PPP1R12B: variants seen among roughly 807,000 people sequenced by gnomAD.
PPP1R12B encodes myosin phosphatase target subunit 2.
In PPP1R12B, 76 loss-of-function variants were observed where a neutral mutation model predicts 126.1. That is an observed-to-expected ratio of 0.60 (90% CI 0.50 to 0.73). The LOEUF (loss-of-function observed/expected upper bound fraction) is 0.73. Among genes scored for constraint, PPP1R12B ranks in the 30% least tolerant of loss-of-function variants. The pLI, the probability that PPP1R12B is intolerant of heterozygous loss-of-function variation, is 0.00. For missense variants in PPP1R12B, 1,052 were observed against 1,205.1 expected (o/e 0.87, Z 1.88); for synonymous variants, 356 against 434.7 (o/e 0.82, Z 2.25).
intron 2 of PPP1R12B, chr1:202,417,244 G>A: frequency 1.0e-6 from 1 of 985,340 alleles, no homozygotes; most frequent in Non-Finnish European, 1.2e-6. Flanking sequence ...GGCAGGCCTG[G>A]AGATGTTTTT....
At chr1:202,510,496 T>C (rs899552159) in intron 18 of PPP1R12B, among the ~76,000 whole-genome samples, 15 of 152,178 alleles carry the variant, frequency 9.9e-5, no homozygotes, top group Non-Finnish European at 1.9e-4. Flanking sequence ...TAGGGATTGC[T>C]AACATCCCAG....
Position 202,562,878 on chromosome 1 carries a change from C to G in PPP1R12B, c.2608C>G (p.Leu870Val), listed in dbSNP as rs1687673599. ...REAREARLAT[L>V]TSRVEEDSNR... Reference sequence around the variant, plus strand: ...GGCCCGGGAGGCCCGCCTAGCCACCCTGACCAGCCGTGTAGAAGAAGACAG... The same window carrying G: ...GGCCCGGGAGGCCCGCCTAGCCACCGTGACCAGCCGTGTAGAAGAAGACAG... The change falls in exon 20 of 24, where the codon CTG becomes GTG. Residue 870 changes from leucine (L) to valine (V), a missense_variant. Coordinates refer to ENST00000608999, the MANE Select transcript of PPP1R12B (RefSeq NM_002481.4). 1.7e-5 allele frequency: 27 copies of G among 1,610,026 alleles called. No homozygotes were observed. Among genetic ancestry groups the G allele is most frequent in the Non-Finnish European group, 2.3e-5 (27 of 1,178,858 alleles).
intron 1 of PPP1R12B, among the ~76,000 whole-genome samples, chr1:202,384,984 T>G (rs1662902058): frequency 2.6e-5 from 4 of 152,250 alleles, no homozygotes; most frequent in Admixed American, 1.3e-4. Flanking sequence ...AGATTAAAAC[T>G]GATAATAATT....
At chr1:202,540,934 CTT>C (rs542309239) in intron 18 of PPP1R12B, among the ~76,000 whole-genome samples, 358 of 152,282 alleles carry the variant, frequency 2.4e-3, no homozygotes, top group Non-Finnish European at 4.0e-3. Context: ...CCATTTGAGA[CTT>C]TTCTCCATTT....
At chr1:202,380,568 G>A (rs1243554283) in intron 1 of PPP1R12B, among the ~76,000 whole-genome samples, 1 of 152,112 alleles carries the variant, frequency 6.6e-6, no homozygotes, top group East Asian at 1.9e-4. Context: ...CTTCCCCTGA[G>A]AGTAGAGCCC....
At chr1:202,458,785 A>G (rs1673954710) in intron 13 of PPP1R12B, among the ~76,000 whole-genome samples, 1 of 152,224 alleles carries the variant, frequency 6.6e-6, no homozygotes. Flanking sequence ...TCATTGTGGA[A>G]GCATTTTGAC....
At chr1:202,381,404 G>GCGTA (rs1662248251) in intron 1 of PPP1R12B, among the ~76,000 whole-genome samples, 1 of 144,330 alleles carries the variant, frequency 6.9e-6, no homozygotes, top group East Asian at 2.0e-4. Context: ...TGGGGTGTGT[G>GCGTA]TGTGTGTGTG....
At chr1:202,575,565 C>T (rs908646207) in intron 23 of PPP1R12B, 1 of 154,208 alleles carries the variant, frequency 6.5e-6, no homozygotes, top group African/African-American at 2.4e-5. Flanking sequence ...CAAGTCCAAC[C>T]CACTCCCCTG....
chr1:202,539,552 C>A (rs1431861511), intron 18 of PPP1R12B, among the ~76,000 whole-genome samples: 8 of 152,166 alleles, frequency 5.3e-5, no homozygotes, highest in Non-Finnish European at 1.2e-4. Context: ...CCTTATTTAT[C>A]ATTTTTCGTT....
chr1:202,426,652 A>T (rs1558210211), intron 4 of PPP1R12B, among the ~76,000 whole-genome samples: 1 of 152,204 alleles, frequency 6.6e-6, no homozygotes, highest in Non-Finnish European at 1.5e-5. Context: ...ACCACAGCCT[A>T]TTAGAGTCTT....
chr1:202,425,369 C>G (rs1418274800), intron 3 of PPP1R12B, among the ~76,000 whole-genome samples, 197 bp from the exon 4 acceptor site: 1 of 152,140 alleles, frequency 6.6e-6, no homozygotes, highest in African/African-American at 2.4e-5. Context: ...AATATTTAAC[C>G]TGATGATTTA....
Position 202,592,527 on chromosome 1 carries a change from GA to G in PPP1R12B, c.*11970del, listed in dbSNP as rs1382100406. Reference sequence around the variant, plus strand: ...CAGCATTGCCATGCGGCTATTTACAGAAAGTTATAGACATGCATCTTGATTA... The same window carrying G: ...CAGCATTGCCATGCGGCTATTTACAGAAGTTATAGACATGCATCTTGATTA... On this transcript the variant is annotated 3_prime_UTR_variant, in exon 24 of 24. Transcript: ENST00000608999. The G allele has an allele frequency of 6.6e-6, 1 of 152,254 alleles. No homozygotes were observed. The highest frequency in any genetic ancestry group is 2.4e-5 in the African/African-American group (1 of 41,466). The allele number at this position is 152,254 out of a possible 1,614,324, so 9.4% of individuals were successfully genotyped here.
chr1:202,379,470 C>T (rs1426204569), intron 1 of PPP1R12B, among the ~76,000 whole-genome samples: 2 of 152,188 alleles, frequency 1.3e-5, no homozygotes, highest in African/African-American at 4.8e-5. Context: ...CCATCTCCAC[C>T]GTCTACTGAG....
At chr1:202,564,414 G>A (rs181123496) in intron 20 of PPP1R12B, 29 bp from the exon 21 acceptor site, 183 of 1,537,860 alleles carry the variant, frequency 1.2e-4, no homozygotes, top group East Asian at 5.9e-4. Flanking sequence ...TAACGCGAAC[G>A]CTGATCCTCT....
chr1:202,511,365 C>T (rs1394632086), intron 18 of PPP1R12B, among the ~76,000 whole-genome samples: 4 of 151,712 alleles, frequency 2.6e-5, no homozygotes, highest in Non-Finnish European at 5.9e-5. Context: ...TACAGATGCC[C>T]GCCACCATGC....
intron 18 of PPP1R12B, among the ~76,000 whole-genome samples, chr1:202,544,885 G>A (rs2148969944): frequency 6.6e-6 from 1 of 152,366 alleles, no homozygotes; most frequent in South Asian, 2.1e-4. Context: ...TTGCCTTCAT[G>A]AGAGCTTGTC....
chr1:202,393,095 A>G (rs1664383873), intron 1 of PPP1R12B, among the ~76,000 whole-genome samples: 1 of 151,986 alleles, frequency 6.6e-6, no homozygotes, highest in Non-Finnish European at 1.5e-5. Context: ...ACAGGCACAC[A>G]CCACCAAGCC....
chr1:202,443,602 C>T (rs1671892616), intron 12 of PPP1R12B, among the ~76,000 whole-genome samples: 1 of 152,230 alleles, frequency 6.6e-6, no homozygotes. Context: ...TTGATGATCT[C>T]ACTGATGCTT....
At chr1:202,428,712 A>G (rs1669852160) in intron 5 of PPP1R12B, 143 bp from the exon 6 acceptor site, 1 of 661,656 alleles carries the variant, frequency 1.5e-6, no homozygotes, top group Non-Finnish European at 2.6e-6. Flanking sequence ...AGGTGTTATC[A>G]TAATGTATGG....
Sources: gnomAD v4.1 joint callset for allele counts (sites outside exome capture counted in the v4.1 genomes callset) on GRCh38, gnomAD v4.1.1 for gene constraint, MANE v1.5 for transcripts, NCBI Gene and HGNC (gene_info 2026-07-23, HGNC 2026-07-21) for gene names.